Variants in CHPF observed in about 807,000 individuals in gnomAD.
CHPF encodes the protein chondroitin polymerizing factor.
A neutral mutation model predicts 55.1 loss-of-function variants in CHPF; 34 were observed. That is an observed-to-expected ratio of 0.62 (90% CI 0.47 to 0.82). The LOEUF is 0.82. Ranked by LOEUF, CHPF falls within the 40% of genes least tolerant of loss-of-function variation. CHPF has a pLI of 0.00. For missense variants in CHPF, 961 were observed against 1,106.1 expected, an observed-to-expected ratio of 0.87 and a Z score of 1.86; for synonymous variants, 489 against 496.6, an observed-to-expected ratio of 0.98 and a Z score of 0.20.
chr2:219,540,253 C>G lies in CHPF; in HGVS notation c.1458G>C (p.Gln486His). Residue 486 changes from glutamine (Q) to histidine (H), a missense_variant, in exon 4 of 4, where the codon CAG becomes CAC. Physicochemically the swap from Gln to His is conservative, Grantham distance 24. This residue lies in a region of CHPF where 936 missense variants were observed against 1,058.4 expected (regional missense o/e 0.88). Coordinates refer to ENST00000243776, the MANE Select transcript of CHPF (RefSeq NM_024536.6). Reference sequence around the variant, plus strand: ...CCACGCGGCTCAGCGGCCGGAGCAGCTGCACTCGGCGAGTGAGGGGCCGGC... The same window carrying G: ...CCACGCGGCTCAGCGGCCGGAGCAGGTGCACTCGGCGAGTGAGGGGCCGGC... ...GGRRPLTRRV[Q>H]LLRPLSRVEI... The G allele has an allele frequency of 6.2e-7, 1 of 1,613,730 alleles. No individual in the cohort carries two copies. Among genetic ancestry groups the G allele is most frequent in the Admixed American group, 1.7e-5 (1 of 60,002 alleles).
Position 219,543,574 on chromosome 2 carries a change from C to T in CHPF, c.-36G>A. ...CCGCGGGTCCCCGGCCCCGGCGAAC[C>T]CCCAGAGCAGCCAGAGGAGTCTCCG... On this transcript the variant is annotated 5_prime_UTR_variant, in exon 1 of 4. Transcript: ENST00000243776. 1 of 1,316,588 alleles carries T rather than the reference C, an allele frequency of 7.6e-7. No individual in the cohort carries two copies. Among genetic ancestry groups the T allele is most frequent in the Non-Finnish European group, 9.7e-7 (1 of 1,035,658 alleles). 81.6% of individuals were successfully genotyped at this position (1,316,588 alleles called of 1,614,324 possible).
Position 219,540,026 on chromosome 2 carries a change from A to C in CHPF, c.1685T>G (p.Val562Gly), listed in dbSNP as rs564477406. ...CACGTGGGCCTTGACAGGTGCGAAGACATCTGCATGGGCCACGCGCTGGGC... is the reference window on the plus strand; with the variant it reads ...CACGTGGGCCTTGACAGGTGCGAAGCCATCTGCATGGGCCACGCGCTGGGC... ...RQAQRVAHAD[V>G]FAPVKAHVAE... Residue 562 changes from valine (V) to glycine (G), a missense_variant, in exon 4 of 4, where the codon GTC becomes GGC. This residue lies in a region of CHPF where 936 missense variants were observed against 1,058.4 expected (regional missense o/e 0.88). Coordinates refer to ENST00000243776, the MANE Select transcript of CHPF (RefSeq NM_024536.6). 3.7e-6 allele frequency: 6 copies of C among 1,613,348 alleles called. No individual in the cohort carries two copies. In the South Asian group the frequency reaches 5.5e-5, roughly 15 times the overall value.
In CHPF at chr2:219,543,793, G is replaced by T. The variant is rs960502256; in HGVS notation, c.-255C>A. On this transcript the variant is annotated 5_prime_UTR_variant, in exon 1 of 4. Transcript: ENST00000243776. ...TGGAGCCTCAGCCGCGGCCGCAGCT[G>T]TCCGACGTGTCACTGCAAGGGCCCC... The T allele has an allele frequency of 4.4e-6, 2 of 458,302 alleles. No individual in the cohort carries two copies. Among genetic ancestry groups the T allele is most frequent in the African/African-American group, 4.1e-5 (2 of 48,196 alleles). The allele number at this position is 458,302 out of a possible 1,614,324, so 28.4% of individuals were successfully genotyped here.
chr2:219,540,701 G>C, intron 3 of CHPF, 59 bp from the exon 4 acceptor site: 2 of 1,489,590 alleles, frequency 1.3e-6, no homozygotes, highest in South Asian at 1.3e-5. Flanking sequence ...GCACACAGCT[G>C]GGGGACTGGG....
chr2:219,540,197 G>A lies in CHPF; in HGVS notation c.1514C>T (p.Ala505Val), dbSNP rs1695237655. The A allele has an allele frequency of 6.2e-7, 1 of 1,612,498 alleles. No individual in the cohort carries two copies. Among genetic ancestry groups the A allele is most frequent in the South Asian group, 1.1e-5 (1 of 90,918 alleles). Residue 505 changes from alanine to valine, a missense_variant, in exon 4 of 4, where the codon GCC becomes GTC. By Grantham distance (64) the Ala-to-Val change is moderately conservative. Coordinates refer to ENST00000243776, the MANE Select transcript of CHPF (RefSeq NM_024536.6). ...EILPVPYVTE[A>V]SRLTVLLPLA... ...AGGCAGCAGCACAGTGAGACGTGAG[G>A]CCTCAGTGACATAGGGCACAGGCAA...
At position 219,542,982 on chromosome 2, in the gene CHPF, T is replaced by C. The variant is rs1265148095; in HGVS notation, c.314+243A>G. On this transcript the variant is annotated intron_variant, in intron 1 of 3. Transcript: ENST00000243776. ...AGCTAGTAGGATCTCTGGGGCGCCATCGGGTCGAGCCGGTTTAGGACACAG... is the reference window on the plus strand; with the variant it reads ...AGCTAGTAGGATCTCTGGGGCGCCACCGGGTCGAGCCGGTTTAGGACACAG... The C allele has an allele frequency of 2.3e-6, 3 of 1,289,916 alleles. No individual in the cohort carries two copies. In the Admixed American group the frequency reaches 1.2e-4, roughly 53 times the overall value. 79.9% of individuals were successfully genotyped at this position (1,289,916 alleles called of 1,614,324 possible).
rs779474308 is a variant in CHPF at position 219,542,089 on chromosome 2, G to A, written c.415C>T (p.Arg139Cys). The A allele has an allele frequency of 1.3e-6, 2 of 1,572,774 alleles. No individual in the cohort carries two copies. Among genetic ancestry groups the A allele is most frequent in the Admixed American group, 1.8e-5 (1 of 54,904 alleles). Residue 139 changes from arginine to cysteine, a missense_variant, in exon 2 of 4, where the codon CGC becomes TGC. Physicochemically the swap from Arg to Cys is radical, Grantham distance 180. This residue lies in a region of CHPF where 936 missense variants were observed against 1,058.4 expected (regional missense o/e 0.88). Coordinates refer to ENST00000243776, the MANE Select transcript of CHPF (RefSeq NM_024536.6). ...CGCTCCAGCCGGTGCCCCAGCGTGCGGTTCACGGCCACGCCCAGCGTGGGC... is the reference window on the plus strand; with the variant it reads ...CGCTCCAGCCGGTGCCCCAGCGTGCAGTTCACGGCCACGCCCAGCGTGGGC... ...TLPTLGVAVN[R>C]TLGHRLERVV...
At position 219,540,187 on chromosome 2, in the gene CHPF, G is replaced by A. The variant is rs1695237187; in HGVS notation, c.1524C>T (p.Leu508=). ...PVPYVTEASR[L]TVLLPLAAAE... is the part of the protein sequence containing the mutation. ...CCGCAGCTAGAGGCAGCAGCACAGT[G>A]AGACGTGAGGCCTCAGTGACATAGG... The change falls in exon 4 of 4, where the codon CTC becomes CTT. Residue 508 remains leucine (L), a synonymous_variant. Transcript: ENST00000243776. The A allele has an allele frequency of 1.2e-6, 2 of 1,611,182 alleles. No individual in the cohort carries two copies. Among genetic ancestry groups the A allele is most frequent in the South Asian group, 1.1e-5 (1 of 90,774 alleles).
intron 1 of CHPF, among the ~76,000 whole-genome samples, chr2:219,542,724 C>T (rs1028445589): frequency 2.6e-4 from 39 of 152,310 alleles, no homozygotes; most frequent in Middle Eastern, 3.4e-3. Context: ...AGGTAAATTG[C>T]AGAACCAGCA....
Position 219,543,661 on chromosome 2 carries a change from C to A in CHPF, c.-123G>T. On this transcript the variant is annotated 5_prime_UTR_variant, in exon 1 of 4. Transcript: ENST00000243776. ...CTCGGGCCCCGCGGGCGGGCCCGCT[C>A]CCTCCCCGCAGAGCAGAGCCAGCGG... The A allele has an allele frequency of 4.5e-6, 3 of 669,568 alleles. No individual in the cohort carries two copies. The highest frequency in any genetic ancestry group is 6.5e-6 in the Non-Finnish European group (3 of 461,128). 41.5% of individuals were successfully genotyped at this position (669,568 alleles called of 1,614,324 possible).
Position 219,539,256 on chromosome 2 carries a change from A to G in CHPF, c.*127T>C, listed in dbSNP as rs369819564. On this transcript the variant is annotated 3_prime_UTR_variant, in exon 4 of 4. Transcript: ENST00000243776. ...AGGGACCCACAGAGCCAGAGAGGGG[A>G]CCAGTGGGCCAGCTTGGGGTCTGGC... 4.0e-4 allele frequency: 350 copies of G among 880,806 alleles called. 4 individuals carry two copies. The East Asian group carries it at 4.9e-3, about 12-fold the overall frequency. 54.6% of individuals were successfully genotyped at this position (880,806 alleles called of 1,614,324 possible).
In CHPF at chr2:219,540,231, C is replaced by T. The variant is rs757250970; in HGVS notation, c.1480G>A (p.Val494Met). ...ACATAGGGCACAGGCAAGATCTCCA[C>T]GCGGCTCAGCGGCCGGAGCAGCTGC... ...RVQLLRPLSRVEILPVPYVTE... is the reference protein window; with the variant it reads ...RVQLLRPLSRMEILPVPYVTE... Residue 494 changes from valine (V) to methionine (M), a missense_variant, in exon 4 of 4, where the codon GTG (valine) becomes ATG (methionine). Around this residue, in one of 3 missense-constraint regions of CHPF, gnomAD observed 936 missense variants for 1,058.4 expected, o/e 0.88. Transcript: ENST00000243776. 2.5e-6 allele frequency: 4 copies of T among 1,613,640 alleles called. No homozygotes were observed. Among genetic ancestry groups the T allele is most frequent in the Middle Eastern group, 1.7e-4 (1 of 6,052 alleles).
At position 219,542,143 on chromosome 2, in the gene CHPF, C is replaced by A; in HGVS notation, c.361G>T (p.Val121Leu). Residue 121 changes from valine to leucine, a missense_variant, in exon 2 of 4, where the codon GTG becomes TTG. Transcript: ENST00000243776. ...TELGIRQRLL[V>L]AVLTSQTTLP... ...GTGGTCTGAGAGGTCAGCACCGCCA[C>A]CAGCAGCCTCTGCCTGATGCCCAGC... The A allele has an allele frequency of 6.4e-7, 1 of 1,553,832 alleles. No homozygotes were observed. Among genetic ancestry groups the A allele is most frequent in the South Asian group, 1.2e-5 (1 of 84,124 alleles).
chr2:219,540,951 A>G lies in CHPF; in HGVS notation c.1063T>C (p.Leu355=), dbSNP rs773109783. The G allele has an allele frequency of 2.0e-5, 32 of 1,613,164 alleles. No homozygotes were observed. Among genetic ancestry groups the G allele is most frequent in the Non-Finnish European group, 2.6e-5 (31 of 1,179,712 alleles). Residue 355 remains leucine, a synonymous_variant, in exon 3 of 4, where the codon TTA becomes CTA. Coordinates refer to ENST00000243776, the MANE Select transcript of CHPF (RefSeq NM_024536.6). The part of the protein sequence containing the change: ...LERTYQEIQE[L]QWEIQNTSHL... ...CCCCCAGACCTAGACCATACCTGTA[A>G]CTCCTGGATCTCCTGGTACGTGCGT...
Position 219,543,781 on chromosome 2 carries a change from G to A in CHPF, c.-243C>T, listed in dbSNP as rs1413275123. 2 of 457,646 alleles carry A rather than the reference G, an allele frequency of 4.4e-6. No homozygotes were observed. Among genetic ancestry groups the A allele is most frequent in the Non-Finnish European group, 3.8e-6 (1 of 260,038 alleles). 28.3% of individuals were successfully genotyped at this position (457,646 alleles called of 1,614,324 possible). A position where few individuals can be genotyped will look rare whatever the true frequency, so the allele number is the denominator to read the frequency against. On this transcript the variant is annotated 5_prime_UTR_variant, in exon 1 of 4. Coordinates refer to ENST00000243776, the MANE Select transcript of CHPF (RefSeq NM_024536.6). ...TGCGCTCGGCACTGGAGCCTCAGCC[G>A]CGGCCGCAGCTGTCCGACGTGTCAC... is the stretch of plus-strand genomic sequence containing the variant.
Position 219,543,780 on chromosome 2 carries a change from C to G in CHPF, c.-242G>C. The G allele has an allele frequency of 2.2e-6, 1 of 461,504 alleles. No homozygotes were observed. The highest frequency in any genetic ancestry group is 3.8e-6 in the Non-Finnish European group (1 of 262,168). 28.6% of individuals were successfully genotyped at this position (461,504 alleles called of 1,614,324 possible). A position where few individuals can be genotyped will look rare whatever the true frequency, so the allele number is the denominator to read the frequency against. On this transcript the variant is annotated 5_prime_UTR_variant, in exon 1 of 4. Coordinates refer to ENST00000243776, the MANE Select transcript of CHPF (RefSeq NM_024536.6). ...TTGCGCTCGGCACTGGAGCCTCAGC[C>G]GCGGCCGCAGCTGTCCGACGTGTCA...
intron 1 of CHPF, chr2:219,542,972 T>G (rs1574501933): frequency 7.8e-7 from 1 of 1,288,524 alleles, no homozygotes. Context: ...GTAGGATCTC[T>G]GGGGCGCCAT....
chr2:219,543,804 C>T lies in CHPF; in HGVS notation c.-266G>A, dbSNP rs989184672. 4.4e-6 allele frequency: 2 copies of T among 450,380 alleles called. No homozygotes were observed. The highest frequency in any genetic ancestry group is 7.9e-6 in the Non-Finnish European group (2 of 254,606). The allele number at this position is 450,380 out of a possible 1,614,324, so 27.9% of individuals were successfully genotyped here. A position where few individuals can be genotyped will look rare whatever the true frequency, so the allele number is the denominator to read the frequency against. ...CCGCGGCCGCAGCTGTCCGACGTGT[C>T]ACTGCAAGGGCCCCGCCCCCGGGGT... On this transcript the variant is annotated 5_prime_UTR_variant, in exon 1 of 4. Coordinates refer to ENST00000243776, the MANE Select transcript of CHPF (RefSeq NM_024536.6).
At position 219,539,752 on chromosome 2, in the gene CHPF, T is replaced by C. The variant is rs1574498910; in HGVS notation, c.1959A>G (p.Pro653=). The change falls in exon 4 of 4, where the codon CCA becomes CCG. Residue 653 remains proline, a synonymous_variant. Coordinates refer to ENST00000243776, the MANE Select transcript of CHPF (RefSeq NM_024536.6). ...GCTCTGGGGGCCCAGGCCCTTGTGG[T>C]GGGGCCACAGCTGGGTGGAAGGCTT... The part of the protein sequence containing the change: ...HFQAFHPAVA[P]PQGPGPPELG... 6.2e-7 allele frequency: 1 copy of C among 1,613,344 alleles called. No individual in the cohort carries two copies. Among genetic ancestry groups the C allele is most frequent in the African/African-American group, 1.3e-5 (1 of 75,016 alleles).
Sources: gnomAD v4.1 joint callset for allele counts (sites outside exome capture counted in the v4.1 genomes callset) on GRCh38, gnomAD v4.1.1 for gene constraint, gnomAD v4.1.1 regional missense constraint, MANE v1.5 for transcripts, NCBI Gene and HGNC (gene_info 2026-07-23, HGNC 2026-07-21) for gene names.